Variants in ARHGAP42 observed in about 807,000 individuals in gnomAD.
The protein encoded by ARHGAP42 is Rho GTPase activating protein 42.
A neutral mutation model predicts 125.0 loss-of-function variants in ARHGAP42; 63 were observed. That is an observed-to-expected ratio of 0.50 (90% CI 0.41 to 0.62). ARHGAP42 has a LOEUF of 0.62. Ranked by LOEUF, ARHGAP42 falls within the 20% of genes least tolerant of loss-of-function variation. The pLI is 0.00. For missense variants in ARHGAP42, 766 were observed against 1,024.2 expected (o/e 0.75, Z 3.44); for synonymous variants, 339 against 351.0 (o/e 0.97, Z 0.38).
At chr11:100,698,543 C>A (rs564264926) in intron 1 of ARHGAP42, among the ~76,000 whole-genome samples, 1 of 152,026 alleles carries the variant, frequency 6.6e-6, no homozygotes, top group African/African-American at 2.4e-5. Context: ...GGCATGGTGG[C>A]GCATGCCTGT....
rs533698551 is a variant in ARHGAP42 at position 100,734,038 on chromosome 11, G to A, written c.155-36305G>A. On this transcript the variant is annotated intron_variant, in intron 1 of 23. Transcript: ENST00000298815. ...CAACCACTGCCACCTGGGTTCAAGC[G>A]ATTCTCCTGCCTCAGCCTCCCGAGT... Among the ~76,000 whole-genome samples the A allele has an allele frequency of 2.2e-4, 33 of 147,526 alleles. No individual in the cohort carries two copies. The East Asian group carries it at 6.9e-3, about 31-fold the overall frequency.
At chr11:100,806,918 G>A (rs1401047863) in intron 3 of ARHGAP42, among the ~76,000 whole-genome samples, 2 of 151,794 alleles carry the variant, frequency 1.3e-5, no homozygotes, top group African/African-American at 4.8e-5. Context: ...CACCGTCTTG[G>A]CTCACTGCAA....
At chr11:100,794,986 T>C (rs1172021737) in intron 2 of ARHGAP42, 119 bp from the exon 3 acceptor site, 2 of 649,042 alleles carry the variant, frequency 3.1e-6, no homozygotes, top group East Asian at 2.9e-5. Flanking sequence ...AAATTAATAG[T>C]ATACAGAATA....
At chr11:100,865,129 G>A (rs746958057) in intron 4 of ARHGAP42, among the ~76,000 whole-genome samples, 1 of 152,110 alleles carries the variant, frequency 6.6e-6, no homozygotes, top group Non-Finnish European at 1.5e-5. Context: ...TTGTTTTCAT[G>A]TTGAAGACTG....
At chr11:100,785,352 G>T (rs536090) in intron 2 of ARHGAP42, among the ~76,000 whole-genome samples, 1 of 151,972 alleles carries the variant, frequency 6.6e-6, no homozygotes, top group African/African-American at 2.4e-5. Flanking sequence ...TGGGTTCTTG[G>T]TAGAAAGACG....
chr11:100,955,870 C>CACTG (rs1857791418), intron 12 of ARHGAP42, among the ~76,000 whole-genome samples: 1 of 152,136 alleles, frequency 6.6e-6, no homozygotes, highest in Admixed American at 6.6e-5. Flanking sequence ...TTCTCATGAG[C>CACTG]ACTGATGCAT....
chr11:100,959,974 C>G, intron 13 of ARHGAP42, 29 bp downstream of exon 13: 1 of 1,529,882 alleles, frequency 6.5e-7, no homozygotes. Flanking sequence ...GTACAGCATC[C>G]CTGTCATGTG....
chr11:100,957,652 G>A (rs538158), intron 12 of ARHGAP42, among the ~76,000 whole-genome samples: 134,166 of 152,090 alleles, frequency 0.88, 59,267 homozygotes, highest in East Asian at 1. Flanking sequence ...CTCTGAATTG[G>A]TTGATAATGT....
intron 1 of ARHGAP42, among the ~76,000 whole-genome samples, chr11:100,721,512 A>C (rs577693266): frequency 6.7e-6 from 1 of 149,856 alleles, no homozygotes; most frequent in South Asian, 2.1e-4. Context: ...TTGTTCTGTC[A>C]CCCAGCCTGG....
At chr11:100,955,931 C>T (rs1857793470) in intron 12 of ARHGAP42, among the ~76,000 whole-genome samples, 1 of 152,124 alleles carries the variant, frequency 6.6e-6, no homozygotes, top group Admixed American at 6.6e-5. Context: ...TTTTCCATTA[C>T]AGAATGTGTT....
rs537840849 is a variant in ARHGAP42 at position 100,687,570 on chromosome 11, C to T, written c.-109C>T. The T allele has an allele frequency of 1.5e-3, 1,355 of 875,742 alleles. 3 individuals carry two copies. The highest frequency in any genetic ancestry group is 3.6e-3 in the Middle Eastern group (8 of 2,250). The allele number at this position is 875,742 out of a possible 1,614,324, so 54.2% of individuals were successfully genotyped here. ...CGCAATCAGTCCCCTCGCGTCCCGG[C>T]GCCTTCCCCGCGATCGCGCGACCCC... On this transcript the variant is annotated 5_prime_UTR_variant, in exon 1 of 24. Coordinates refer to ENST00000298815, the MANE Select transcript of ARHGAP42 (RefSeq NM_152432.4).
intron 1 of ARHGAP42, among the ~76,000 whole-genome samples, chr11:100,759,983 C>T (rs1373754055): frequency 1.3e-5 from 2 of 152,114 alleles, no homozygotes; most frequent in African/African-American, 4.8e-5. Flanking sequence ...GATTGGATTA[C>T]CCAGGGTAAT....
chr11:100,991,067 A>G lies in ARHGAP42; in HGVS notation c.*2266A>G, dbSNP rs1172916656. The G allele has an allele frequency of 1.3e-5, 2 of 152,212 alleles. No homozygotes were observed. The highest frequency in any genetic ancestry group is 2.9e-5 in the Non-Finnish European group (2 of 68,026). 9.4% of individuals were successfully genotyped at this position (152,212 alleles called of 1,614,324 possible). A position where few individuals can be genotyped will look rare whatever the true frequency, so the allele number is the denominator to read the frequency against. On this transcript the variant is annotated 3_prime_UTR_variant, in exon 24 of 24. Coordinates refer to ENST00000298815, the MANE Select transcript of ARHGAP42 (RefSeq NM_152432.4). ...GCAAGGCATATGTTGCAGCCACAGTACTGGCTATGGTCCCTTTGCTGAAAC... is the reference window on the plus strand; with the variant it reads ...GCAAGGCATATGTTGCAGCCACAGTGCTGGCTATGGTCCCTTTGCTGAAAC...
chr11:100,848,922 G>T (rs528744420), intron 3 of ARHGAP42, among the ~76,000 whole-genome samples: 2 of 152,086 alleles, frequency 1.3e-5, no homozygotes, highest in Non-Finnish European at 2.9e-5. Context: ...CTGATTGTAC[G>T]CATCGTGATA....
intron 4 of ARHGAP42, among the ~76,000 whole-genome samples, chr11:100,909,535 G>A (rs1312693181): frequency 6.6e-6 from 1 of 151,848 alleles, no homozygotes; most frequent in Admixed American, 6.6e-5. Flanking sequence ...TTAAAGGCAG[G>A]GTTTCATCAT....
chr11:100,861,066 G>A (rs973937373), intron 4 of ARHGAP42, among the ~76,000 whole-genome samples: 4 of 152,144 alleles, frequency 2.6e-5, no homozygotes, highest in African/African-American at 4.8e-5. Flanking sequence ...ATGCAAAAGT[G>A]CTTCACAAGG....
intron 15 of ARHGAP42, 21 bp from the exon 16 acceptor site, chr11:100,962,388 T>G: frequency 6.5e-7 from 1 of 1,545,852 alleles, no homozygotes; most frequent in Non-Finnish European, 8.8e-7. Flanking sequence ...TTCTAACATG[T>G]GTTTCCTTTC....
At chr11:100,723,873 T>C (rs540219665) in intron 1 of ARHGAP42, among the ~76,000 whole-genome samples, 2 of 152,324 alleles carry the variant, frequency 1.3e-5, no homozygotes, top group East Asian at 1.9e-4. Flanking sequence ...CTATTCAATA[T>C]GACATTAGCT....
chr11:100,992,104 T>C lies in ARHGAP42; in HGVS notation c.*3303T>C. The stretch of plus-strand genomic sequence containing the variant: ...GTTGAAAAGGGTATCATTCATGTGG[T>C]TTCAGTTTAGAAGAGTCCCTCAGAG... On this transcript the variant is annotated 3_prime_UTR_variant, in exon 24 of 24. Coordinates refer to ENST00000298815, the MANE Select transcript of ARHGAP42 (RefSeq NM_152432.4). 3.6e-6 allele frequency: 2 copies of C among 562,080 alleles called. No individual in the cohort carries two copies. Among genetic ancestry groups the C allele is most frequent in the Non-Finnish European group, 3.1e-6 (1 of 324,798 alleles). The allele number at this position is 562,080 out of a possible 1,614,324, so 34.8% of individuals were successfully genotyped here.
Sources: gnomAD v4.1 joint callset for allele counts (sites outside exome capture counted in the v4.1 genomes callset) on GRCh38, gnomAD v4.1.1 for gene constraint, MANE v1.5 for transcripts, NCBI Gene and HGNC (gene_info 2026-07-23, HGNC 2026-07-21) for gene names.